The following AGAP1 variants were observed in gnomAD, a reference collection of about 807,000 sequenced individuals.
AGAP1 encodes the protein arf-GAP with GTPase, ANK repeat and PH domain-containing protein 1.
AGAP1 carries 29 observed loss-of-function variants against 105.3 expected under a neutral mutation model. The ratio of observed to expected loss-of-function variants is 0.28; its 90% CI spans 0.21 to 0.38. The LOEUF is 0.38. Ranked by LOEUF, AGAP1 falls within the 10% of genes least tolerant of loss-of-function variation. AGAP1 has a pLI of 1.00. For missense variants in AGAP1, 998 were observed against 1,165.1 expected (o/e 0.86, Z 2.09); for synonymous variants, 509 against 485.9 (o/e 1.05, Z -0.63).
At chr2:235,534,810 G>A (rs944389628) in intron 1 of AGAP1, among the ~76,000 whole-genome samples, 4 of 152,198 alleles carry the variant, frequency 2.6e-5, no homozygotes, top group African/African-American at 9.7e-5. Flanking sequence ...GCCCGTGCAG[G>A]CGTCAGCGCC....
In AGAP1 at chr2:235,900,566, A is replaced by C. The variant is rs989691290; in HGVS notation, c.1156-8172A>C. Among the ~76,000 whole-genome samples the C allele has an allele frequency of 1.3e-5, 2 of 151,874 alleles. No individual in the cohort carries two copies. The highest frequency in any genetic ancestry group is 4.8e-5 in the African/African-American group (2 of 41,350). On this transcript the variant is annotated intron_variant, in intron 10 of 17. Coordinates refer to ENST00000304032, the MANE Select transcript of AGAP1 (RefSeq NM_001037131.3). This position sits in a 1 kb window ranked among gnomAD's most constrained non-coding sequence, Gnocchi z 5.5. Reference sequence around the variant, plus strand: ...CCTGTGAATCCTGGCAATGGGAAAAACAATACCATATATTGGACACTGATT... The same window carrying C: ...CCTGTGAATCCTGGCAATGGGAAAACCAATACCATATATTGGACACTGATT...
At position 235,843,390 on chromosome 2, in the gene AGAP1, C is replaced by G. The variant is rs1398909662; in HGVS notation, c.1050+36059C>G. On this transcript the variant is annotated intron_variant, in intron 9 of 17. Coordinates refer to ENST00000304032, the MANE Select transcript of AGAP1 (RefSeq NM_001037131.3). This position sits in a 1 kb window ranked among gnomAD's most constrained non-coding sequence, Gnocchi z 5.9. ...CTTTGAGTTCATTTCAGAATTCCTC[C>G]TCGGTGTCTGCTTATTGCATGGCAC... Among the ~76,000 whole-genome samples, 1 of 152,104 alleles carries G rather than the reference C, an allele frequency of 6.6e-6. No individual in the cohort carries two copies. Among genetic ancestry groups the G allele is most frequent in the Non-Finnish European group, 1.5e-5 (1 of 68,022 alleles).
Position 236,087,304 on chromosome 2 carries a change from A to G in AGAP1, c.2115-32888A>G, listed in dbSNP as rs1486855012. On this transcript the variant is annotated intron_variant, in intron 16 of 17. Coordinates refer to ENST00000304032, the MANE Select transcript of AGAP1 (RefSeq NM_001037131.3). This position sits in a 1 kb window ranked among gnomAD's most constrained non-coding sequence, Gnocchi z 5.7. ...CGAGGTGGGAATGAGAGGAAGCCAG[A>G]GCCCGGGGTGGGGGCGGGAGCGGGG... 2.6e-5 allele frequency among the ~76,000 whole-genome samples: 4 copies of G among 151,044 alleles called. No homozygotes were observed. Among genetic ancestry groups the G allele is most frequent in the Non-Finnish European group, 4.4e-5 (3 of 67,832 alleles).
At chr2:235,949,392 C>T (rs1443614685) in intron 12 of AGAP1, among the ~76,000 whole-genome samples, 1 of 152,124 alleles carries the variant, frequency 6.6e-6, no homozygotes, top group African/African-American at 2.4e-5. Flanking sequence ...TGCCATACCA[C>T]TTCAAAAGAG....
rs2057820947 is a variant in AGAP1 at position 236,049,216 on chromosome 2, G to A, written c.2049G>A (p.Glu683=). The change falls in exon 16 of 18, where the codon GAG becomes GAA. Residue 683 remains glutamate (E), a synonymous_variant. Coordinates refer to ENST00000304032, the MANE Select transcript of AGAP1 (RefSeq NM_001037131.3). The stretch of plus-strand genomic sequence containing the variant: ...AGGTGATGTCATCCATCGGGAACGA[G>A]CTAGCCAACAGCGTCTGGGAAGAGA... ...LIKVMSSIGN[E]LANSVWEESS... The A allele has an allele frequency of 1.2e-6, 2 of 1,614,112 alleles. No individual in the cohort carries two copies. Among genetic ancestry groups the A allele is most frequent in the Non-Finnish European group, 1.7e-6 (2 of 1,180,052 alleles).
In AGAP1 at chr2:236,005,479, A is replaced by G. The variant is rs1478179939; in HGVS notation, c.1646-31082A>G. On this transcript the variant is annotated intron_variant, in intron 13 of 17. Transcript: ENST00000304032. This position sits in a 1 kb window ranked among gnomAD's most constrained non-coding sequence, Gnocchi z 4.1. ...TTTACCTCTTTCATTAGTATGGTAC[A>G]TTTCTTAGAGTTCATGAGTCAATAT... Among the ~76,000 whole-genome samples the G allele has an allele frequency of 6.6e-6, 1 of 152,070 alleles. No homozygotes were observed. Among genetic ancestry groups the G allele is most frequent in the African/African-American group, 2.4e-5 (1 of 41,386 alleles).
In AGAP1 at chr2:235,799,350, G is replaced by A. The variant is rs1957386822; in HGVS notation, c.802-17G>A. 1 of 1,612,146 alleles carries A rather than the reference G, an allele frequency of 6.2e-7. No homozygotes were observed. The highest frequency in any genetic ancestry group is 1.7e-5 in the Admixed American group (1 of 59,904). On this transcript the variant is annotated splice_polypyrimidine_tract_variant and intron_variant, in intron 7 of 17. Transcript: ENST00000304032. The surrounding 1 kb of genome is among the most constrained non-coding windows in gnomAD (Gnocchi z 5.0). Reference sequence around the variant, plus strand: ...TGAGTATGTCGTTAATGAAACCTTGGATTTTAATCATTTCAGACAAGTAAT... The same window carrying A: ...TGAGTATGTCGTTAATGAAACCTTGAATTTTAATCATTTCAGACAAGTAAT...
At chr2:235,567,323 G>A (rs1029533826) in intron 1 of AGAP1, among the ~76,000 whole-genome samples, 1 of 152,230 alleles carries the variant, frequency 6.6e-6, no homozygotes, top group Non-Finnish European at 1.5e-5. Flanking sequence ...AGAGAGGACT[G>A]CTCTGCCCTC....
chr2:235,622,083 C>A lies in AGAP1; in HGVS notation c.164-87096C>A, dbSNP rs1946502044. Among the ~76,000 whole-genome samples the A allele has an allele frequency of 6.6e-6, 1 of 152,162 alleles. No homozygotes were observed. Among genetic ancestry groups the A allele is most frequent in the South Asian group, 2.1e-4 (1 of 4,834 alleles). On this transcript the variant is annotated intron_variant, in intron 1 of 17. Coordinates refer to ENST00000304032, the MANE Select transcript of AGAP1 (RefSeq NM_001037131.3). The surrounding 1 kb of genome is among the most constrained non-coding windows in gnomAD (Gnocchi z 5.0). Reference sequence around the variant, plus strand: ...ACACTTTAGAATGCCTTAATCTTTTCTTGTTGTGTTTTGAATAGGTTACAT... The same window carrying A: ...ACACTTTAGAATGCCTTAATCTTTTATTGTTGTGTTTTGAATAGGTTACAT...
rs1360402914 is a variant in AGAP1 at position 236,124,939 on chromosome 2, C to G, written c.*817C>G. ...TTCAGTCCAAAGAGAGGAAATCAGT[C>G]GCTGAGTATTATTTGACTCCGGTCT... is the stretch of plus-strand genomic sequence containing the variant. On this transcript the variant is annotated 3_prime_UTR_variant, in exon 18 of 18. Transcript: ENST00000304032. The surrounding 1 kb of genome is among the most constrained non-coding windows in gnomAD (Gnocchi z 5.1). 6.1e-6 allele frequency: 1 copy of G among 163,246 alleles called. No individual in the cohort carries two copies. The highest frequency in any genetic ancestry group is 2.4e-5 in the African/African-American group (1 of 41,420). The allele number at this position is 163,246 out of a possible 1,614,324, so 10.1% of individuals were successfully genotyped here.
chr2:235,902,215 G>A (rs2051098405), intron 10 of AGAP1, among the ~76,000 whole-genome samples: 1 of 152,208 alleles, frequency 6.6e-6, no homozygotes, highest in Non-Finnish European at 1.5e-5. Flanking sequence ...TTACACAGAT[G>A]TGTGGTTGGA....
intron 1 of AGAP1, among the ~76,000 whole-genome samples, chr2:235,536,556 C>CG (rs1163721172): frequency 7.4e-6 from 1 of 134,602 alleles, no homozygotes; most frequent in Non-Finnish European, 1.6e-5. Flanking sequence ...GCAGGACCCC[C>CG]GGGTTTGTGT....
intron 1 of AGAP1, among the ~76,000 whole-genome samples, chr2:235,688,425 C>A (rs924710669): frequency 6.6e-5 from 10 of 152,132 alleles, no homozygotes; most frequent in Non-Finnish European, 1.5e-4. Context: ...TGACGGTCCC[C>A]TCCACTCACT....
chr2:236,048,249 T>G (rs2057783572), intron 15 of AGAP1, among the ~76,000 whole-genome samples: 1 of 152,220 alleles, frequency 6.6e-6, no homozygotes, highest in Non-Finnish European at 1.5e-5. Context: ...GAGTTCTTGG[T>G]CTTCTGATGA....
chr2:235,506,247 T>C (rs1941804619), intron 1 of AGAP1, among the ~76,000 whole-genome samples: 2 of 152,258 alleles, frequency 1.3e-5, no homozygotes, highest in Admixed American at 6.5e-5. Context: ...TATTTATTTA[T>C]TTATTTAGCT....
chr2:235,740,029 T>G lies in AGAP1; in HGVS notation c.311-934T>G, dbSNP rs1460846796. 6.6e-6 allele frequency among the ~76,000 whole-genome samples: 1 copy of G among 152,130 alleles called. No homozygotes were observed. The highest frequency in any genetic ancestry group is 1.5e-5 in the Non-Finnish European group (1 of 68,014). On this transcript the variant is annotated intron_variant, in intron 3 of 17. Coordinates refer to ENST00000304032, the MANE Select transcript of AGAP1 (RefSeq NM_001037131.3). This position sits in a 1 kb window ranked among gnomAD's most constrained non-coding sequence, Gnocchi z 5.7. ...GCTGGGAACCGATGCGTGCCTTCCC[T>G]CTTTAAAACAAGAGTTTCGAATCCC...
In AGAP1 at chr2:235,662,827, C is replaced by T. The variant is rs1466585226; in HGVS notation, c.164-46352C>T. 6.6e-6 allele frequency among the ~76,000 whole-genome samples: 1 copy of T among 152,240 alleles called. No individual in the cohort carries two copies. The highest frequency in any genetic ancestry group is 1.5e-5 in the Non-Finnish European group (1 of 68,038). ...CAAGAACCCCTCACCCTGCTCAGTG[C>T]TCCTGGCCACTGCTGACTGGTGCAT... On this transcript the variant is annotated intron_variant, in intron 1 of 17. Coordinates refer to ENST00000304032, the MANE Select transcript of AGAP1 (RefSeq NM_001037131.3). The surrounding 1 kb of genome is among the most constrained non-coding windows in gnomAD (Gnocchi z 4.2).
chr2:235,954,753 A>G lies in AGAP1; in HGVS notation c.1484-13709A>G, dbSNP rs114866364. Among the ~76,000 whole-genome samples, 442 of 151,774 alleles carry G rather than the reference A, an allele frequency of 2.9e-3. 1 individual carries two copies. The highest frequency in any genetic ancestry group is 4.9e-3 in the Non-Finnish European group (330 of 67,928). On this transcript the variant is annotated intron_variant, in intron 12 of 17. Coordinates refer to ENST00000304032, the MANE Select transcript of AGAP1 (RefSeq NM_001037131.3). ...CTTGTCATCCCTCCTCGTGGTCAAT[A>G]TGCACACATATATATGCTTATTAAC...
rs527311298 is a variant in AGAP1, at chr2:236,091,887, AAAAGT to A, written c.2115-28301_2115-28297del. 1.9e-3 allele frequency among the ~76,000 whole-genome samples: 284 copies of A among 152,354 alleles called. 1 individual carries two copies. Among genetic ancestry groups the A allele is most frequent in the African/African-American group, 6.2e-3 (258 of 41,590 alleles). ...AACCCAGATGCCCTTCAGTGGGTGA[AAAAGT>A]AAACAAGCTGTAGACCATCCACACT... On this transcript the variant is annotated intron_variant, in intron 16 of 17. Transcript: ENST00000304032.
Sources: gnomAD v4.1 joint callset for allele counts (sites outside exome capture counted in the v4.1 genomes callset) on GRCh38, gnomAD v4.1.1 for gene constraint, Gnocchi (gnomAD v3.1) non-coding constraint, MANE v1.5 for transcripts, NCBI Gene and HGNC (gene_info 2026-07-23, HGNC 2026-07-21) for gene names.